Variants in CDK15 observed in about 807,000 individuals in gnomAD.
CDK15 encodes cyclin-dependent kinase 15.
Under a neutral mutation model 60.3 loss-of-function variants are expected in CDK15, and 62 were observed. The observed-to-expected ratio is 1.03, with a 90% CI of 0.84 to 1.27. The LOEUF is 1.27. CDK15 is among the 50% of genes most tolerant of loss of function. The probability of loss-of-function intolerance (pLI) is 0.00; values close to 1 mark genes in which losing one functional copy is unlikely to be tolerated. For missense variants in CDK15, 541 were observed against 527.8 expected (o/e 1.03, Z -0.25); for synonymous variants, 194 against 195.7 (o/e 0.99, Z 0.07).
intron 3 of CDK15, among the ~76,000 whole-genome samples, chr2:201,809,744 C>T (rs1317011366): frequency 1.3e-5 from 2 of 152,162 alleles, no homozygotes; most frequent in Non-Finnish European, 2.9e-5. Context: ...CCCCGGCACA[C>T]ACTCAGCTCC....
At chr2:201,856,628 C>T (rs1397835156) in intron 10 of CDK15, among the ~76,000 whole-genome samples, 1 of 152,162 alleles carries the variant, frequency 6.6e-6, no homozygotes, top group African/African-American at 2.4e-5. Flanking sequence ...ACGTGGCTCT[C>T]ATCTTTTCCT....
intron 7 of CDK15, among the ~76,000 whole-genome samples, chr2:201,834,266 G>A (rs1696910310): frequency 6.6e-6 from 1 of 152,122 alleles, no homozygotes; most frequent in Admixed American, 6.5e-5. Flanking sequence ...TACTTAGTAA[G>A]TTTTCCTAAA....
chr2:201,878,656 A>G (rs1699167464), intron 11 of CDK15, among the ~76,000 whole-genome samples: 1 of 152,132 alleles, frequency 6.6e-6, no homozygotes. Flanking sequence ...GGCTGCTATA[A>G]CAAAATACCT....
At chr2:201,865,889 CAACAAAAAAAAAA>C (rs993437211) in intron 10 of CDK15, among the ~76,000 whole-genome samples, 2 of 24,804 alleles carry the variant, frequency 8.1e-5, no homozygotes, top group African/African-American at 2.6e-4. Flanking sequence ...GATTCCATCT[CAACAAAAAAAAAA>C]AAAAAAAAAA....
intron 3 of CDK15, among the ~76,000 whole-genome samples, chr2:201,812,136 T>C (rs1303662916): frequency 1.4e-5 from 2 of 143,916 alleles, no homozygotes; most frequent in Non-Finnish European, 1.5e-5. Context: ...ATCGTGCCAC[T>C]GTACTCCAGC....
intron 4 of CDK15, among the ~76,000 whole-genome samples, chr2:201,822,558 G>A (rs1696279083): frequency 6.6e-6 from 1 of 152,180 alleles, no homozygotes; most frequent in South Asian, 2.1e-4. Context: ...AATTGATTAG[G>A]TAAATGGAAA....
At position 201,836,073 on chromosome 2, in the gene CDK15, T is replaced by TTTATATATATATATTTATATATA. The variant is rs869308361; in HGVS notation, c.851+320_851+321insATATTTATATATATTATATATAT. On this transcript the variant is annotated intron_variant, in intron 8 of 13. Transcript: ENST00000652192. ...TATATATATATTATATATATTTATA[T>TTTATATATATATATTTATATATA]TTATATATATTTATATATTTATATA... Among the ~76,000 whole-genome samples the TTTATATATATATATTTATATATA allele has an allele frequency of 6.6e-5, 7 of 106,666 alleles. No homozygotes were observed. In the East Asian group the frequency reaches 9.5e-4, roughly 14 times the overall value. The allele number at this position is 106,666 out of a possible 152,430, so 70.0% of individuals were successfully genotyped here.
rs751391938 is a variant in CDK15 at position 201,822,921 on chromosome 2, T to A, written c.543+18T>A. 2.1e-6 allele frequency: 3 copies of A among 1,438,540 alleles called. No homozygotes were observed. Among genetic ancestry groups the A allele is most frequent in the African/African-American group, 1.4e-5 (1 of 71,428 alleles). The allele number at this position is 1,438,540 out of a possible 1,614,324, so 89.1% of individuals were successfully genotyped here. Reference sequence around the variant, plus strand: ...AATACATGGTGAGTTGTTCGAGCATTTTACAACACTTGAGAAAAATAACCT... The same window carrying A: ...AATACATGGTGAGTTGTTCGAGCATATTACAACACTTGAGAAAAATAACCT... On this transcript the variant is annotated intron_variant, in intron 5 of 13. Coordinates refer to ENST00000652192, the MANE Select transcript of CDK15 (RefSeq NM_001366386.2).
intron 6 of CDK15, among the ~76,000 whole-genome samples, chr2:201,825,647 T>A (rs1696448356): frequency 6.6e-6 from 1 of 151,502 alleles, no homozygotes; most frequent in Admixed American, 6.6e-5. Context: ...ATCGCGGGAC[T>A]TTTTTTTTAT....
At chr2:201,886,747 A>G (rs1401165844) in intron 12 of CDK15, among the ~76,000 whole-genome samples, 1 of 152,260 alleles carries the variant, frequency 6.6e-6, no homozygotes, top group Non-Finnish European at 1.5e-5. Flanking sequence ...AATTTATGCA[A>G]GAGGAAACAA....
At chr2:201,886,748 G>C (rs1699463817) in intron 12 of CDK15, among the ~76,000 whole-genome samples, 1 of 152,202 alleles carries the variant, frequency 6.6e-6, no homozygotes, top group Non-Finnish European at 1.5e-5. Flanking sequence ...ATTTATGCAA[G>C]AGGAAACAAA....
Position 201,807,502 on chromosome 2 carries a change from C to A in CDK15, c.132C>A (p.Asp44Glu), listed in dbSNP as rs369158011. ...CTTTCTTTTTTCTCTAGCTAACAGACCTAAAAGAAGCATCATGTTCCATGA... is the reference window on the plus strand; with the variant it reads ...CTTTCTTTTTTCTCTAGCTAACAGAACTAAAAGAAGCATCATGTTCCATGA... ...ETTEAAFKLT[D>E]LKEASCSMTS... Residue 44 changes from aspartate (D) to glutamate (E), a missense_variant, in exon 2 of 14, where the codon GAC becomes GAA. Transcript: ENST00000652192. The A allele has an allele frequency of 1.1e-5, 18 of 1,613,762 alleles. No homozygotes were observed. The highest frequency in any genetic ancestry group is 1.4e-5 in the Non-Finnish European group (17 of 1,179,934).
At chr2:201,838,944 AG>A (rs1446735998) in intron 8 of CDK15, among the ~76,000 whole-genome samples, 3 of 151,846 alleles carry the variant, frequency 2.0e-5, no homozygotes, top group Non-Finnish European at 4.4e-5. Context: ...CTTGATTTTA[AG>A]GGTTGTTTTT....
At chr2:201,888,432 A>G (rs1423426772) in intron 12 of CDK15, 5 of 1,530,568 alleles carry the variant, frequency 3.3e-6, no homozygotes, top group Non-Finnish European at 2.6e-6. Context: ...ATTTTTAAAC[A>G]CCCGCTTTCA....
At chr2:201,873,980 G>A (rs1329639773) in intron 11 of CDK15, among the ~76,000 whole-genome samples, 1 of 150,344 alleles carries the variant, frequency 6.7e-6, no homozygotes, top group East Asian at 2.0e-4. Context: ...CTTGAACCCG[G>A]GAGGCGGAGG....
At chr2:201,888,072 C>T (rs2105843937) in intron 12 of CDK15, among the ~76,000 whole-genome samples, 1 of 141,572 alleles carries the variant, frequency 7.1e-6, no homozygotes, top group East Asian at 2.0e-4. Context: ...TCTCTTTTAG[C>T]GATTATGGGC....
intron 9 of CDK15, among the ~76,000 whole-genome samples, chr2:201,848,517 G>A (rs1207709156): frequency 6.6e-6 from 1 of 152,074 alleles, no homozygotes; most frequent in Non-Finnish European, 1.5e-5. Context: ...CCTAAGGGAA[G>A]CTCTGGACCC....
rs542746527 is a variant in CDK15, at chr2:201,811,144, AG to A, written c.369-1336del. 2.8e-4 allele frequency among the ~76,000 whole-genome samples: 31 copies of A among 111,700 alleles called. 1 individual carries two copies. The East Asian group carries it at 8.7e-3, about 31-fold the overall frequency. The allele number at this position is 111,700 out of a possible 152,430, so 73.3% of individuals were successfully genotyped here. On this transcript the variant is annotated intron_variant, in intron 3 of 13. Coordinates refer to ENST00000652192, the MANE Select transcript of CDK15 (RefSeq NM_001366386.2). The stretch of plus-strand genomic sequence containing the variant: ...AGGCATGAGCCACTGCGCCTGGCTG[AG>A]GGTATGCACTTTTTTTTTTTTTTGA...
Position 201,894,683 on chromosome 2 carries a change from G to A in CDK15, c.*1416G>A, listed in dbSNP as rs371041044. The A allele has an allele frequency of 6.6e-6, 1 of 152,124 alleles. No individual in the cohort carries two copies. Among genetic ancestry groups the A allele is most frequent in the African/African-American group, 2.4e-5 (1 of 41,416 alleles). 9.4% of individuals were successfully genotyped at this position (152,124 alleles called of 1,614,324 possible). On this transcript the variant is annotated 3_prime_UTR_variant, in exon 14 of 14. Coordinates refer to ENST00000652192, the MANE Select transcript of CDK15 (RefSeq NM_001366386.2). ...TCCATTTCACAAAAGAGGAGACTGA[G>A]GCTCAGTGAAGTTAGGTAACTCCTT...
Sources: gnomAD v4.1 joint callset for allele counts (sites outside exome capture counted in the v4.1 genomes callset) on GRCh38, gnomAD v4.1.1 for gene constraint, MANE v1.5 for transcripts, NCBI Gene and HGNC (gene_info 2026-07-23, HGNC 2026-07-21) for gene names.